DENND1B: variants seen among roughly 807,000 people sequenced by gnomAD.
The protein encoded by DENND1B is DENN domain containing 1B.
A neutral mutation model predicts 90.1 loss-of-function variants in DENND1B; 59 were observed. That is an observed-to-expected ratio of 0.65 (90% CI 0.53 to 0.81). DENND1B has a LOEUF of 0.81. Among genes scored for constraint, DENND1B ranks in the 40% least tolerant of loss-of-function variants. The pLI is 0.00. For synonymous variants in DENND1B, 337 were observed against 324.6 expected (o/e 1.04, Z -0.41); for missense variants, 862 against 912.6 (o/e 0.94, Z 0.71).
chr1:197,767,606 C>T (rs1655855426), intron 2 of DENND1B, among the ~76,000 whole-genome samples: 1 of 152,030 alleles, frequency 6.6e-6, no homozygotes, highest in Admixed American at 6.6e-5. Flanking sequence ...ATAAAGAAAA[C>T]AAGACGTGCT....
intron 10 of DENND1B, among the ~76,000 whole-genome samples, chr1:197,634,485 T>C (rs1187798435): frequency 6.6e-6 from 1 of 152,170 alleles, no homozygotes; most frequent in African/African-American, 2.4e-5. Context: ...TAGGACTATA[T>C]GAAGACCAAA....
chr1:197,652,419 A>G, intron 6 of DENND1B, 104 bp from the exon 7 acceptor site: 1 of 787,914 alleles, frequency 1.3e-6, no homozygotes, highest in African/African-American at 1.8e-5. Flanking sequence ...CATATTAGAC[A>G]TATTTTATAT....
intron 12 of DENND1B, among the ~76,000 whole-genome samples, chr1:197,609,851 A>T (rs1051606079): frequency 6.6e-6 from 1 of 150,698 alleles, no homozygotes; most frequent in South Asian, 2.1e-4. Flanking sequence ...TTGCCAGGCA[A>T]AATGCAAACA....
At position 197,718,416 on chromosome 1, in the gene DENND1B, G is replaced by A. The variant is rs567929378; in HGVS notation, c.83-3342C>T. On this transcript the variant is annotated intron_variant, in intron 2 of 22. Coordinates refer to ENST00000620048, the MANE Select transcript of DENND1B (RefSeq NM_001195215.2). ...TAAAAAAAAAAAAAAAGTTCCTAATGAAGCAATGAAATGAGCAAAAATCAT... is the reference window on the plus strand; with the variant it reads ...TAAAAAAAAAAAAAAAGTTCCTAATAAAGCAATGAAATGAGCAAAAATCAT... Among the ~76,000 whole-genome samples the A allele has an allele frequency of 1.1e-4, 16 of 148,542 alleles. No individual in the cohort carries two copies. In the South Asian group the frequency reaches 3.4e-3, roughly 31 times the overall value.
intron 3 of DENND1B, among the ~76,000 whole-genome samples, chr1:197,681,445 T>C (rs978950065): frequency 1.3e-5 from 2 of 152,142 alleles, no homozygotes; most frequent in South Asian, 2.1e-4. Context: ...AAGGGGGACA[T>C]ACTGATCAAA....
intron 1 of DENND1B, among the ~76,000 whole-genome samples, chr1:197,773,841 A>G (rs1656917452): frequency 6.6e-6 from 1 of 152,220 alleles, no homozygotes; most frequent in Non-Finnish European, 1.5e-5. Flanking sequence ...CACAACGGCC[A>G]ATGTGTTAAT....
intron 20 of DENND1B, among the ~76,000 whole-genome samples, chr1:197,522,375 A>C (rs1223380248): frequency 1.3e-5 from 2 of 152,102 alleles, no homozygotes; most frequent in Non-Finnish European, 1.5e-5. Context: ...GGTGACTGCT[A>C]TGTGAGACTA....
chr1:197,618,863 G>A (rs1271026375), intron 10 of DENND1B, among the ~76,000 whole-genome samples: 1 of 150,880 alleles, frequency 6.6e-6, no homozygotes, highest in Non-Finnish European at 1.5e-5. Flanking sequence ...TAAGTGATAA[G>A]CACAATTAAT....
chr1:197,582,567 G>A (rs550336631), intron 15 of DENND1B, among the ~76,000 whole-genome samples: 1 of 152,204 alleles, frequency 6.6e-6, no homozygotes, highest in African/African-American at 2.4e-5. Context: ...ATTACACAAT[G>A]GAATGACAGA....
intron 3 of DENND1B, among the ~76,000 whole-genome samples, chr1:197,679,163 A>C (rs1656394550): frequency 6.6e-6 from 1 of 151,904 alleles, no homozygotes. Context: ...CTATGTTATA[A>C]AATATAAATT....
intron 2 of DENND1B, among the ~76,000 whole-genome samples, chr1:197,732,177 C>T (rs995397255): frequency 6.6e-6 from 1 of 152,094 alleles, no homozygotes; most frequent in Non-Finnish European, 1.5e-5. Context: ...TAATGCCATC[C>T]TTCTATACTT....
intron 2 of DENND1B, among the ~76,000 whole-genome samples, chr1:197,771,787 G>T (rs1049303827): frequency 6.6e-5 from 10 of 152,076 alleles, no homozygotes; most frequent in African/African-American, 1.4e-4. Context: ...GCTATCCAGG[G>T]TCTAAGCACA....
At chr1:197,694,564 A>C (rs1056532911) in intron 3 of DENND1B, among the ~76,000 whole-genome samples, 2 of 151,454 alleles carry the variant, frequency 1.3e-5, no homozygotes, top group African/African-American at 4.8e-5. Context: ...TAACCTTGAA[A>C]AAATAATTTC....
chr1:197,549,288 A>C (rs1232390576), intron 16 of DENND1B, among the ~76,000 whole-genome samples: 1 of 152,184 alleles, frequency 6.6e-6, no homozygotes, highest in Non-Finnish European at 1.5e-5. Context: ...AAATTGGTCT[A>C]AATTGTTCAA....
At chr1:197,549,599 CA>C (rs1671067676) in intron 16 of DENND1B, among the ~76,000 whole-genome samples, 1 of 152,028 alleles carries the variant, frequency 6.6e-6, no homozygotes, top group Non-Finnish European at 1.5e-5. Context: ...CTTAACTACT[CA>C]ATATTTCTTA....
chr1:197,622,393 G>A (rs1678254689), intron 10 of DENND1B, among the ~76,000 whole-genome samples: 1 of 151,356 alleles, frequency 6.6e-6, no homozygotes, highest in African/African-American at 2.4e-5. Flanking sequence ...ACAACTGGAG[G>A]CAGGCTAGAT....
In DENND1B at chr1:197,508,512, A is replaced by T. The variant is rs1330936383; in HGVS notation, c.*1948T>A. 2.6e-5 allele frequency: 4 copies of T among 151,780 alleles called. 1 individual carries two copies. In the South Asian group the frequency reaches 8.3e-4, roughly 31 times the overall value. The allele number at this position is 151,780 out of a possible 1,614,324, so 9.4% of individuals were successfully genotyped here. On this transcript the variant is annotated 3_prime_UTR_variant, in exon 23 of 23. Transcript: ENST00000620048. The stretch of plus-strand genomic sequence containing the variant: ...GAAACAAGAATTGTCTTCTTATATA[A>T]TCATAATGAATAAGTGTCCCAAATA...
chr1:197,567,112 T>C (rs1221040124), intron 15 of DENND1B, among the ~76,000 whole-genome samples: 1 of 151,974 alleles, frequency 6.6e-6, no homozygotes, highest in Non-Finnish European at 1.5e-5. Context: ...TGACAAACCT[T>C]TAGCTGGTCT....
rs750058155 is a variant in DENND1B at position 197,545,908 on chromosome 1, T to C, written c.1350+14A>G. On this transcript the variant is annotated intron_variant, in intron 18 of 22. Transcript: ENST00000620048. ...ATTTCATAAATAGGATTGTTAAATATCAAAAAAACTTACAAATTTATATGC... is the reference window on the plus strand; with the variant it reads ...ATTTCATAAATAGGATTGTTAAATACCAAAAAAACTTACAAATTTATATGC... The C allele has an allele frequency of 1.9e-6, 3 of 1,589,826 alleles. No individual in the cohort carries two copies. Among genetic ancestry groups the C allele is most frequent in the Non-Finnish European group, 2.6e-6 (3 of 1,170,998 alleles).
Sources: gnomAD v4.1 joint callset for allele counts (sites outside exome capture counted in the v4.1 genomes callset) on GRCh38, gnomAD v4.1.1 for gene constraint, MANE v1.5 for transcripts, NCBI Gene and HGNC (gene_info 2026-07-23, HGNC 2026-07-21) for gene names.